The following NAV1 variants were observed in gnomAD, a reference collection of about 807,000 sequenced individuals.
NAV1 encodes pore membrane and/or filament interacting like protein 3.
In NAV1, 18 loss-of-function variants were observed where a neutral mutation model predicts 175.2. That is an observed-to-expected ratio of 0.10 (90% CI 0.07 to 0.15). The LOEUF (loss-of-function observed/expected upper bound fraction) is 0.15. Ranked by LOEUF, NAV1 falls within the 10% of genes least tolerant of loss-of-function variation. The probability of loss-of-function intolerance (pLI) is 1.00; values close to 1 mark genes in which losing one functional copy is unlikely to be tolerated. For missense variants in NAV1, 1,731 were observed against 2,436.6 expected (o/e 0.71, Z 6.10); for synonymous variants, 897 against 978.7 (o/e 0.92, Z 1.56).
Position 201,784,179 on chromosome 1 carries a change from T to C in NAV1, c.2804+327T>C, listed in dbSNP as rs377720247. ...TCATTTTGTTTTGTTTTGTTTGAGA[T>C]GGAGTTTTGCTCTTGTTGCCCAGGC... On this transcript the variant is annotated intron_variant, in intron 7 of 29. Coordinates refer to ENST00000367296, the Ensembl canonical transcript of NAV1. Among the ~76,000 whole-genome samples the C allele has an allele frequency of 2.0e-4, 31 of 152,324 alleles. No homozygotes were observed. In the East Asian group the frequency reaches 4.8e-3, roughly 24 times the overall value.
At chr1:201,781,566 G>A (rs1676326799) in intron 5 of NAV1, among the ~76,000 whole-genome samples, 1 of 152,168 alleles carries the variant, frequency 6.6e-6, no homozygotes, top group Non-Finnish European at 1.5e-5. Context: ...ATGAGGTACA[G>A]GAGGAAGTAT....
At chr1:201,790,638 ATCT>A (rs758343844) in intron 12 of NAV1, 48 bp from the exon 17 acceptor site, 8 of 1,613,718 alleles carry the variant, frequency 5.0e-6, no homozygotes, top group Non-Finnish European at 6.8e-6. Flanking sequence ...TTCCTTCCAA[ATCT>A]TATACAGCTT....
intron 1 of NAV1, among the ~76,000 whole-genome samples, chr1:201,688,040 A>G (rs1167423147): frequency 6.6e-6 from 1 of 152,274 alleles, no homozygotes; most frequent in Non-Finnish European, 1.5e-5. Flanking sequence ...CATGTGTCAG[A>G]TGAACTTGGT....
rs1335498085 is a variant in NAV1 at position 201,811,982 on chromosome 1, C to T, written c.5024+8C>T. 1.2e-6 allele frequency: 2 copies of T among 1,613,716 alleles called. No homozygotes were observed. The highest frequency in any genetic ancestry group is 1.3e-5 in the African/African-American group (1 of 75,014). On this transcript the variant is annotated splice_region_variant and intron_variant, in intron 26 of 29. Coordinates refer to ENST00000367296, the Ensembl canonical transcript of NAV1. Reference sequence around the variant, plus strand: ...CTTGCACTTGAGCTTCAGGTAAGACCTCTAGCTCTGGATGAACCTTCTGAC... The same window carrying T: ...CTTGCACTTGAGCTTCAGGTAAGACTTCTAGCTCTGGATGAACCTTCTGAC...
intron 2 of NAV1, among the ~76,000 whole-genome samples, chr1:201,631,279 C>T (rs1466307183): frequency 6.6e-6 from 1 of 152,194 alleles, no homozygotes; most frequent in African/African-American, 2.4e-5. Context: ...TTCGGATTTG[C>T]CTGCCTTGTG....
rs1287805738 is a variant in NAV1 at position 201,813,625 on chromosome 1, A to G, written c.5340+367A>G. On this transcript the variant is annotated intron_variant, in intron 28 of 29. Transcript: ENST00000367296. This position sits in a 1 kb window ranked among gnomAD's most constrained non-coding sequence, Gnocchi z 4.2. ...CCTTAGCTACTTACTACTAATAAGT[A>G]TGTTATATTAACCAAGTTACTTGAC... Among the ~76,000 whole-genome samples, 1 of 152,158 alleles carries G rather than the reference A, an allele frequency of 6.6e-6. No individual in the cohort carries two copies. The highest frequency in any genetic ancestry group is 1.5e-5 in the Non-Finnish European group (1 of 68,038).
chr1:201,800,024 G>C (rs188963690), intron 15 of NAV1, among the ~76,000 whole-genome samples: 33 of 151,742 alleles, frequency 2.2e-4, no homozygotes, highest in Admixed American at 1.8e-3. Flanking sequence ...TTTTGAGAGA[G>C]GGTATCACTC....
chr1:201,642,525 T>TCTTTCTTTCTTTCTTTC (rs1553247054), intron 2 of NAV1, among the ~76,000 whole-genome samples: 4 of 100,302 alleles, frequency 4.0e-5, no homozygotes, highest in African/African-American at 1.3e-4. Context: ...TTCTTTCTTT[T>TCTTTCTTTCTTTCTTTC]TTTCTTTCTT....
chr1:201,554,218 G>T, intron 1 of NAV1, among the ~76,000 whole-genome samples: 1 of 152,200 alleles, frequency 6.6e-6, no homozygotes, highest in East Asian at 1.9e-4. Flanking sequence ...ACAGACAGGG[G>T]TGTCTGGCCC....
At chr1:201,549,129 TTCTTTC>T in intron 1 of NAV1, among the ~76,000 whole-genome samples, 1 of 147,560 alleles carries the variant, frequency 6.8e-6, no homozygotes, top group African/African-American at 2.5e-5. Flanking sequence ...CTTTCTTTCT[TTCTTTC>T]TTTCTTTCTT....
At chr1:201,557,248 T>C (rs533647603) in intron 1 of NAV1, among the ~76,000 whole-genome samples, 1 of 152,262 alleles carries the variant, frequency 6.6e-6, no homozygotes, top group East Asian at 1.9e-4. Flanking sequence ...GGTGCCTGGG[T>C]GAATTTCAAC....
At chr1:201,768,628 A>T (rs1675363480) in intron 3 of NAV1, among the ~76,000 whole-genome samples, 2 of 143,836 alleles carry the variant, frequency 1.4e-5, no homozygotes, top group African/African-American at 5.2e-5. Flanking sequence ...ACAAGGTGAG[A>T]TCTTGTCTCA....
chr1:201,586,241 G>A (rs1667024294), intron 1 of NAV1, among the ~76,000 whole-genome samples: 1 of 145,092 alleles, frequency 6.9e-6, no homozygotes. Flanking sequence ...ACTTCTCTGG[G>A]TTACCTAGGG....
At chr1:201,658,371 A>G (rs1260303973) in intron 1 of NAV1, among the ~76,000 whole-genome samples, 1 of 152,154 alleles carries the variant, frequency 6.6e-6, no homozygotes, top group East Asian at 1.9e-4. Context: ...GCATCAGTGC[A>G]TAGGGTGTGT....
At chr1:201,739,433 T>C (rs1673260091) in intron 3 of NAV1, 1 of 152,316 alleles carries the variant, frequency 6.6e-6, no homozygotes, top group African/African-American at 2.4e-5. Context: ...CATGCTCCGA[T>C]TTTTAGAAAT....
At chr1:201,739,257 C>T (rs375281127) in intron 3 of NAV1, 75 of 152,316 alleles carry the variant, frequency 4.9e-4, no homozygotes, top group Admixed American at 1.7e-3. Context: ...GATGTTAGGC[C>T]CCACCCCCTG....
At chr1:201,819,199 T>C (rs952978360) in intron 29 of NAV1, among the ~76,000 whole-genome samples, 3 of 152,218 alleles carry the variant, frequency 2.0e-5, no homozygotes, top group African/African-American at 7.2e-5. Context: ...CTCCCAGTAT[T>C]CGTTGGTATG....
At chr1:201,541,104 G>C (rs943582943) in intron 1 of NAV1, among the ~76,000 whole-genome samples, 1 of 152,030 alleles carries the variant, frequency 6.6e-6, no homozygotes. Flanking sequence ...TGCATTTTTT[G>C]TTTTTGTTGA....
chr1:201,563,283 C>G (rs113996695), intron 1 of NAV1, among the ~76,000 whole-genome samples: 2 of 151,890 alleles, frequency 1.3e-5, no homozygotes, highest in African/African-American at 4.8e-5. Context: ...GTCCGGACGC[C>G]GGGACCCAGC....
Sources: gnomAD v4.1 joint callset for allele counts (sites outside exome capture counted in the v4.1 genomes callset) on GRCh38, gnomAD v4.1.1 for gene constraint, Gnocchi (gnomAD v3.1) non-coding constraint, MANE v1.5 for transcripts, NCBI Gene and HGNC (gene_info 2026-07-23, HGNC 2026-07-21) for gene names.